The following CTNNBL1 variants were observed in gnomAD, a reference collection of about 807,000 sequenced individuals.
CTNNBL1 encodes catenin beta like 1, also known as beta-catenin-like protein 1.
Under a neutral mutation model 72.7 loss-of-function variants are expected in CTNNBL1, and 31 were observed. That is an observed-to-expected ratio of 0.43 (90% CI 0.32 to 0.58). The LOEUF (loss-of-function observed/expected upper bound fraction) is 0.58. Ranked by LOEUF, CTNNBL1 falls within the 20% of genes least tolerant of loss-of-function variation. The pLI, the probability that CTNNBL1 is intolerant of heterozygous loss-of-function variation, is 0.08. For missense variants in CTNNBL1, 534 were observed against 725.1 expected, an observed-to-expected ratio of 0.74 and a Z score of 3.03; for synonymous variants, 240 against 267.3, an observed-to-expected ratio of 0.90 and a Z score of 1.00.
intron 1 of CTNNBL1, among the ~76,000 whole-genome samples, chr20:37,702,023 T>A (rs1472868451): frequency 3.9e-5 from 6 of 152,210 alleles, no homozygotes; most frequent in Admixed American, 6.5e-5. Context: ...GTATACTGTT[T>A]GTGTGTGTTC....
chr20:37,810,122 C>A (rs1422738089), intron 11 of CTNNBL1, among the ~76,000 whole-genome samples: 1 of 152,036 alleles, frequency 6.6e-6, no homozygotes, highest in Non-Finnish European at 1.5e-5. Flanking sequence ...TCGGGGGTAT[C>A]TTAGTCCATT....
rs1020212918 is a variant in CTNNBL1, at chr20:37,840,218, G to A, written c.1311+19G>A. 1.9e-6 allele frequency: 3 copies of A among 1,554,564 alleles called. No homozygotes were observed. Among genetic ancestry groups the A allele is most frequent in the Admixed American group, 1.7e-5 (1 of 59,696 alleles). Reference sequence around the variant, plus strand: ...TGAGAAGGTGGGTGACTGTTGGACTGTAAAGCTGGGACCGGGACTGATAGA... The same window carrying A: ...TGAGAAGGTGGGTGACTGTTGGACTATAAAGCTGGGACCGGGACTGATAGA... On this transcript the variant is annotated intron_variant, in intron 12 of 15. Coordinates refer to ENST00000361383, the MANE Select transcript of CTNNBL1 (RefSeq NM_030877.5).
intron 15 of CTNNBL1, among the ~76,000 whole-genome samples, chr20:37,864,763 C>G (rs2072522988): frequency 6.6e-6 from 1 of 152,218 alleles, no homozygotes; most frequent in Non-Finnish European, 1.5e-5. Context: ...GCTCGGCACC[C>G]TGACTGGCAG....
chr20:37,805,402 T>G (rs550696637), intron 11 of CTNNBL1, among the ~76,000 whole-genome samples: 43 of 116,400 alleles, frequency 3.7e-4, no homozygotes, highest in Admixed American at 9.6e-4. Flanking sequence ...TTTTGTTTTT[T>G]TTTTTCCTTT....
At position 37,732,964 on chromosome 20, in the gene CTNNBL1, G is replaced by A; in HGVS notation, c.116G>A (p.Gly39Asp). Residue 39 changes from glycine to aspartate, a missense_variant, in exon 2 of 16, where the codon GGC (glycine) becomes GAC (aspartate). Transcript: ENST00000361383. The part of the protein sequence containing the change: ...RRKQTGTRER[G>D]RYREEEMTVV... ...AAACAAACTGGTACTCGAGAACGCG[G>A]CCGCTATCGGGAAGAAGAAATGACT... 6.2e-7 allele frequency: 1 copy of A among 1,614,076 alleles called. No homozygotes were observed. The highest frequency in any genetic ancestry group is 8.5e-7 in the Non-Finnish European group (1 of 1,180,018).
intron 7 of CTNNBL1, among the ~76,000 whole-genome samples, chr20:37,773,173 G>A (rs555986767): frequency 3.4e-4 from 51 of 152,214 alleles, no homozygotes; most frequent in Non-Finnish European, 4.8e-4. Flanking sequence ...ATGTACAACT[G>A]GTTGATGCTA....
intron 10 of CTNNBL1, among the ~76,000 whole-genome samples, chr20:37,795,803 T>C (rs1374431566): frequency 6.6e-6 from 1 of 152,088 alleles, no homozygotes; most frequent in East Asian, 1.9e-4. Flanking sequence ...TTACTGATGA[T>C]TTTTTTTCTC....
intron 1 of CTNNBL1, among the ~76,000 whole-genome samples, chr20:37,702,966 T>C (rs114745833): frequency 3.3e-5 from 5 of 152,250 alleles, no homozygotes; most frequent in Admixed American, 6.5e-5. Context: ...GGCCTACATC[T>C]CTGTGCTTTC....
intron 1 of CTNNBL1, among the ~76,000 whole-genome samples, chr20:37,714,605 A>G (rs1238414454): frequency 6.6e-6 from 1 of 152,258 alleles, no homozygotes; most frequent in East Asian, 1.9e-4. Context: ...CTGACTCTAA[A>G]GCAGGAGATT....
intron 2 of CTNNBL1, among the ~76,000 whole-genome samples, chr20:37,736,839 A>G (rs778544710): frequency 1.3e-5 from 2 of 152,152 alleles, no homozygotes; most frequent in African/African-American, 2.4e-5. Flanking sequence ...TGTTACAGAT[A>G]GTGGGCATTG....
intron 1 of CTNNBL1, among the ~76,000 whole-genome samples, chr20:37,701,949 G>C (rs559509061): frequency 6.6e-6 from 1 of 152,066 alleles, no homozygotes; most frequent in Admixed American, 6.5e-5. Context: ...CTCAGCTGCA[G>C]ATGTGTGGCG....
At chr20:37,776,092 C>T (rs1600480581) in intron 7 of CTNNBL1, among the ~76,000 whole-genome samples, 1 of 152,174 alleles carries the variant, frequency 6.6e-6, no homozygotes, top group African/African-American at 2.4e-5. Flanking sequence ...TAAAGTGAAA[C>T]ATACCACAGG....
At chr20:37,712,170 A>T (rs1456240602) in intron 1 of CTNNBL1, among the ~76,000 whole-genome samples, 1 of 152,112 alleles carries the variant, frequency 6.6e-6, no homozygotes, top group Admixed American at 6.5e-5. Flanking sequence ...CTAAACATTT[A>T]ATCTGTGTTC....
At chr20:37,709,197 T>C (rs561834124) in intron 1 of CTNNBL1, among the ~76,000 whole-genome samples, 1 of 152,346 alleles carries the variant, frequency 6.6e-6, no homozygotes, top group African/African-American at 2.4e-5. Context: ...TGCTTCTCTC[T>C]GAATATATCT....
At chr20:37,701,076 C>G (rs999678432) in intron 1 of CTNNBL1, among the ~76,000 whole-genome samples, 1 of 152,192 alleles carries the variant, frequency 6.6e-6, no homozygotes, top group Non-Finnish European at 1.5e-5. Context: ...CAATATTTTT[C>G]TGTTCCCACA....
intron 3 of CTNNBL1, among the ~76,000 whole-genome samples, chr20:37,738,201 G>C (rs971455789): frequency 1.3e-5 from 2 of 152,236 alleles, no homozygotes; most frequent in Non-Finnish European, 2.9e-5. Flanking sequence ...AAGTTAGACA[G>C]ATATTGGTGT....
chr20:37,870,229 G>A (rs2072571810), intron 15 of CTNNBL1, among the ~76,000 whole-genome samples: 1 of 151,900 alleles, frequency 6.6e-6, no homozygotes, highest in Non-Finnish European at 1.5e-5. Context: ...TTCTCTTCCT[G>A]GTCTCACTGA....
intron 1 of CTNNBL1, among the ~76,000 whole-genome samples, chr20:37,722,347 G>C (rs528459845): frequency 6.6e-6 from 1 of 152,168 alleles, no homozygotes; most frequent in Non-Finnish European, 1.5e-5. Context: ...GGTAGTGCAC[G>C]CCTGTAGTCC....
intron 13 of CTNNBL1, among the ~76,000 whole-genome samples, chr20:37,851,467 G>C (rs1171064230): frequency 6.6e-6 from 1 of 152,104 alleles, no homozygotes; most frequent in African/African-American, 2.4e-5. Context: ...CTACTGGTTT[G>C]CGTTAGTCTC....
Sources: gnomAD v4.1 joint callset for allele counts (sites outside exome capture counted in the v4.1 genomes callset) on GRCh38, gnomAD v4.1.1 for gene constraint, MANE v1.5 for transcripts, NCBI Gene and HGNC (gene_info 2026-07-23, HGNC 2026-07-21) for gene names.